RPSA2: variants seen among roughly 807,000 people sequenced by gnomAD.
RPSA2 encodes ribosomal protein SA 2, also known as small ribosomal subunit protein uS2B.
chr19:23,817,293 A>G, the RPSA2 span, among the ~76,000 whole-genome samples: 2 of 152,116 alleles, frequency 1.3e-5, no homozygotes, highest in Non-Finnish European at 1.5e-5. Context: ...GAGGCAGGAG[A>G]ATTGCCTGAA....
chr19:23,824,966 G>GTTTTGTTTTTGT, the RPSA2 span, among the ~76,000 whole-genome samples: 68 of 150,356 alleles, frequency 4.5e-4, no homozygotes, highest in Non-Finnish European at 8.1e-4. Context: ...TGTTTGTTTT[G>GTTTTGTTTTTGT]TTTTGTTTTT....
chr19:23,859,366 C>T, the RPSA2 span, among the ~76,000 whole-genome samples: 112 of 152,284 alleles, frequency 7.4e-4, no homozygotes, highest in Non-Finnish European at 1.4e-3. Context: ...CGATGCCTCA[C>T]ACCTGTAATC....
the RPSA2 span, among the ~76,000 whole-genome samples, chr19:23,800,072 A>G: frequency 7.3e-6 from 1 of 137,696 alleles, no homozygotes; most frequent in African/African-American, 2.8e-5. Flanking sequence ...TGTATTTCCC[A>G]GGCTGGAGTG....
chr19:23,818,601 G>A, the RPSA2 span: 2 of 152,264 alleles, frequency 1.3e-5, no homozygotes, highest in African/African-American at 4.8e-5. Context: ...AGTATCATTC[G>A]TAATGATCTC....
chr19:23,782,707 G>A, the RPSA2 span, among the ~76,000 whole-genome samples: 1 of 152,112 alleles, frequency 6.6e-6, no homozygotes, highest in African/African-American at 2.4e-5. Context: ...TCCACAGTGG[G>A]AATTGTGATA....
At chr19:23,779,215 T>C in the RPSA2 span, among the ~76,000 whole-genome samples, 1 of 151,848 alleles carries the variant, frequency 6.6e-6, no homozygotes, top group African/African-American at 2.4e-5. Context: ...TTAGCCAGGA[T>C]GGTCTCGATC....
At chr19:23,758,623 A>G in the RPSA2 span, 1 of 1,456,218 alleles carries the variant, frequency 6.9e-7, no homozygotes, top group Non-Finnish European at 9.6e-7. Context: ...TTATGGTCCA[A>G]GTGGACTGAG....
the RPSA2 span, among the ~76,000 whole-genome samples, chr19:23,853,404 A>G: frequency 6.6e-6 from 1 of 152,188 alleles, no homozygotes; most frequent in South Asian, 2.1e-4. Context: ...GGGAAAGAAG[A>G]TTCCACATGT....
At chr19:23,820,273 GCGT>G in the RPSA2 span, among the ~76,000 whole-genome samples, 3 of 152,150 alleles carry the variant, frequency 2.0e-5, no homozygotes, top group East Asian at 1.9e-4. Context: ...TGTCCTAATA[GCGT>G]CTCTAGTGCC....
chr19:23,853,397 A>G, the RPSA2 span, among the ~76,000 whole-genome samples: 5 of 152,140 alleles, frequency 3.3e-5, no homozygotes, highest in African/African-American at 4.8e-5. Flanking sequence ...TCCAGGGGGG[A>G]AAGAAGATTC....
At chr19:23,841,033 G>GT in the RPSA2 span, among the ~76,000 whole-genome samples, 2 of 149,902 alleles carry the variant, frequency 1.3e-5, no homozygotes. Context: ...CATAAAACAT[G>GT]TTTTTTATGA....
chr19:23,799,616 C>T, the RPSA2 span: 1 of 128,600 alleles, frequency 7.8e-6, no homozygotes, highest in Non-Finnish European at 1.6e-5. Context: ...AAAGAGGACA[C>T]TGGCCACCAG....
the RPSA2 span, among the ~76,000 whole-genome samples, chr19:23,854,268 G>A: frequency 1.3e-5 from 2 of 152,124 alleles, no homozygotes; most frequent in South Asian, 2.1e-4. Flanking sequence ...GAACCTTGAG[G>A]TAAAGGGCCA....
the RPSA2 span, among the ~76,000 whole-genome samples, chr19:23,864,883 C>A: frequency 6.6e-6 from 1 of 152,008 alleles, no homozygotes; most frequent in South Asian, 2.1e-4. Context: ...GACTGACAAC[C>A]ACCCTCTTCT....
chr19:23,841,505 G>A, the RPSA2 span, among the ~76,000 whole-genome samples: 2 of 152,128 alleles, frequency 1.3e-5, no homozygotes, highest in Non-Finnish European at 1.5e-5. Context: ...AGGTACTTTG[G>A]AGAAACTTTC....
the RPSA2 span, among the ~76,000 whole-genome samples, chr19:23,859,105 A>G: frequency 6.6e-6 from 1 of 152,198 alleles, no homozygotes; most frequent in African/African-American, 2.4e-5. Flanking sequence ...TATCTCAGGT[A>G]TTTACCCCAG....
At chr19:23,832,658 C>T in the RPSA2 span, 1 of 1,475,954 alleles carries the variant, frequency 6.8e-7, no homozygotes. Context: ...GGTGGCAAAG[C>T]ATTTCTATGG....
the RPSA2 span, among the ~76,000 whole-genome samples, chr19:23,800,025 T>C: frequency 1.1e-4 from 16 of 140,426 alleles, no homozygotes; most frequent in African/African-American, 4.0e-4. Context: ...AGTTTTCTTT[T>C]TCTTTTTTTT....
chr19:23,778,995 CTTTTTT>C, the RPSA2 span, among the ~76,000 whole-genome samples: 1 of 80,696 alleles, frequency 1.2e-5, no homozygotes, highest in South Asian at 5.2e-4. Flanking sequence ...TTTTGTGACA[CTTTTTT>C]TTTTTTTTTT....
Sources: allele counts gnomAD v4.1 joint callset (sites outside exome capture counted in the v4.1 genomes callset), GRCh38; gene constraint gnomAD v4.1.1; transcripts MANE v1.5; gene names NCBI Gene and HGNC (gene_info 2026-07-23, HGNC 2026-07-21).